Variants in UHRF1 observed in about 807,000 individuals in gnomAD.
UHRF1 encodes the protein ubiquitin like with PHD and ring finger domains 1.
Under a neutral mutation model 96.5 loss-of-function variants are expected in UHRF1, and 9 were observed. The observed-to-expected ratio is 0.09, with a 90% CI of 0.06 to 0.16. The LOEUF (loss-of-function observed/expected upper bound fraction) is 0.16. Among genes scored for constraint, UHRF1 ranks in the 10% least tolerant of loss-of-function variants. The probability of loss-of-function intolerance (pLI) is 1.00; values close to 1 mark genes in which losing one functional copy is unlikely to be tolerated. For synonymous variants in UHRF1, 455 were observed against 469.9 expected (o/e 0.97, Z 0.41); for missense variants, 626 against 1,131.1 (o/e 0.55, Z 6.40).
intron 7 of UHRF1, among the ~76,000 whole-genome samples, chr19:4,943,431 C>T (rs985900821): frequency 4.6e-5 from 7 of 151,508 alleles, no homozygotes; most frequent in Admixed American, 1.3e-4. Flanking sequence ...ATGTGCTAGG[C>T]TCGGGTCTGA....
At position 4,932,425 on chromosome 19, in the gene UHRF1, G is replaced by A. The variant is rs527978207; in HGVS notation, c.570-316G>A. On this transcript the variant is annotated intron_variant, in intron 4 of 16. Coordinates refer to ENST00000650932, the MANE Select transcript of UHRF1 (RefSeq NM_001048201.3). ...GGATTGGGGCCCACCCTACTGCAGTGTGATCTCATCTTAATATGATTTCAT... is the reference window on the plus strand; with the variant it reads ...GGATTGGGGCCCACCCTACTGCAGTATGATCTCATCTTAATATGATTTCAT... Among the ~76,000 whole-genome samples, 3 of 152,334 alleles carry A rather than the reference G, an allele frequency of 2.0e-5. No individual in the cohort carries two copies. In the South Asian group the frequency reaches 6.2e-4, roughly 32 times the overall value.
intron 2 of UHRF1, among the ~76,000 whole-genome samples, chr19:4,912,855 G>A (rs896231412): frequency 2.0e-5 from 3 of 152,084 alleles, no homozygotes; most frequent in Non-Finnish European, 4.4e-5. Flanking sequence ...AGCTTCCTGG[G>A]CTCAAGCAAT....
At chr19:4,945,268 A>AT (rs915328446) in intron 9 of UHRF1, among the ~76,000 whole-genome samples, 8 of 151,688 alleles carry the variant, frequency 5.3e-5, no homozygotes, top group South Asian at 2.1e-4. Context: ...CCCCACTTTT[A>AT]TTTTTTTTGA....
At chr19:4,942,924 G>C (rs1341591364) in intron 7 of UHRF1, among the ~76,000 whole-genome samples, 1 of 151,982 alleles carries the variant, frequency 6.6e-6, no homozygotes, top group East Asian at 1.9e-4. Context: ...GGTGATGGAA[G>C]TGAGACCCTA....
intron 2 of UHRF1, among the ~76,000 whole-genome samples, chr19:4,920,675 T>C (rs530162015): frequency 6.6e-6 from 1 of 152,274 alleles, no homozygotes; most frequent in Admixed American, 6.5e-5. Context: ...AGCCTCAGTC[T>C]GCCAAGCAGC....
At chr19:4,909,843 G>C (rs2032181962) in intron 1 of UHRF1, 188 bp downstream of exon 1, 1 of 396,910 alleles carries the variant, frequency 2.5e-6, no homozygotes, top group African/African-American at 2.1e-5. Flanking sequence ...CTGGAGCCGG[G>C]ACCAGCGCTG....
intron 5 of UHRF1, among the ~76,000 whole-genome samples, chr19:4,941,060 AAT>A (rs2033378458): frequency 6.8e-6 from 1 of 148,000 alleles, no homozygotes; most frequent in Non-Finnish European, 1.5e-5. Context: ...GGCATCCTGC[AAT>A]GAAACTCTGG....
chr19:4,929,337 T>C lies in UHRF1; in HGVS notation c.269T>C (p.Leu90Pro). Residue 90 changes from leucine to proline, a missense_variant, in exon 3 of 17, where the codon CTC (leucine) becomes CCC (proline). Around this residue, in one of 11 missense-constraint regions of UHRF1, gnomAD observed 53 missense variants for 95.9 expected, o/e 0.55. Transcript: ENST00000650932. ...PHSTKERDSE[L>P]SDTDSGCCLG... is the part of the protein sequence containing the mutation. ...AGCACCAAGGAGCGGGACTCCGAGC[T>C]CTCCGACACCGACTCCGGCTGCTGC... 1 of 1,613,486 alleles carries C rather than the reference T, an allele frequency of 6.2e-7. No individual in the cohort carries two copies.
intron 5 of UHRF1, among the ~76,000 whole-genome samples, chr19:4,937,790 C>G (rs991857488): frequency 5.3e-5 from 8 of 152,112 alleles, no homozygotes; most frequent in African/African-American, 1.9e-4. Flanking sequence ...ATTCCTTTTT[C>G]TGTTTTCTGG....
At chr19:4,959,203 G>A (rs772151069) in intron 16 of UHRF1, among the ~76,000 whole-genome samples, 3 of 151,558 alleles carry the variant, frequency 2.0e-5, no homozygotes, top group Non-Finnish European at 4.4e-5. Flanking sequence ...GCTGGTGGGC[G>A]CCTGTAATCC....
intron 4 of UHRF1, among the ~76,000 whole-genome samples, chr19:4,932,071 G>T (rs1252188844): frequency 1.3e-5 from 2 of 152,196 alleles, no homozygotes; most frequent in Non-Finnish European, 2.9e-5. Context: ...TGGGATTACA[G>T]GCATGCGCCA....
intron 5 of UHRF1, among the ~76,000 whole-genome samples, chr19:4,940,469 C>A (rs923977023): frequency 7.1e-6 from 1 of 141,738 alleles, no homozygotes; most frequent in Non-Finnish European, 1.5e-5. Flanking sequence ...CAGGTTCAAG[C>A]GATTCTCCTG....
chr19:4,952,148 A>T (rs1399213913), intron 13 of UHRF1, among the ~76,000 whole-genome samples: 1 of 152,132 alleles, frequency 6.6e-6, no homozygotes, highest in African/African-American at 2.4e-5. Context: ...GCTGGAGTGC[A>T]GTGGTGGGAT....
Position 4,957,309 on chromosome 19 carries a change from T to G in UHRF1, c.2235+496T>G, listed in dbSNP as rs1404036854. On this transcript the variant is annotated intron_variant, in intron 16 of 16. Coordinates refer to ENST00000650932, the MANE Select transcript of UHRF1 (RefSeq NM_001048201.3). The stretch of plus-strand genomic sequence containing the variant: ...ATCCCAGCTGATGGTTTTTTTTTTT[T>G]TTTTTTTTTTTTTTTCTGAGACAGA... Among the ~76,000 whole-genome samples the G allele has an allele frequency of 1.2e-3, 170 of 137,964 alleles. 1 individual carries two copies. Among genetic ancestry groups the G allele is most frequent in the African/African-American group, 4.3e-3 (158 of 36,614 alleles). 90.5% of individuals were successfully genotyped at this position (137,964 alleles called of 152,430 possible).
rs564974711 is a variant in UHRF1 at position 4,926,022 on chromosome 19, C to T, written c.154-3200C>T. On this transcript the variant is annotated intron_variant, in intron 2 of 16. Coordinates refer to ENST00000650932, the MANE Select transcript of UHRF1 (RefSeq NM_001048201.3). The stretch of plus-strand genomic sequence containing the variant: ...AAGCAATTGTCCTTCCTCAGCCTCC[C>T]GAGTAGCTGGGATTACAGGCACCTG... 4.6e-5 allele frequency among the ~76,000 whole-genome samples: 7 copies of T among 152,126 alleles called. No individual in the cohort carries two copies. In the East Asian group the frequency reaches 7.8e-4, roughly 17 times the overall value.
intron 2 of UHRF1, among the ~76,000 whole-genome samples, chr19:4,923,407 G>A (rs905913477): frequency 2.0e-5 from 3 of 152,136 alleles, no homozygotes; most frequent in East Asian, 1.9e-4. Context: ...CCTGTCCTCC[G>A]TCTTGGGTGG....
chr19:4,940,764 C>T (rs997999380), intron 5 of UHRF1, among the ~76,000 whole-genome samples: 1 of 151,722 alleles, frequency 6.6e-6, no homozygotes, highest in Admixed American at 6.6e-5. Context: ...CGTCTGCCTC[C>T]TGGGTTCAAG....
chr19:4,936,955 A>G (rs755424390), intron 5 of UHRF1, among the ~76,000 whole-genome samples: 12 of 152,160 alleles, frequency 7.9e-5, no homozygotes, highest in Admixed American at 1.3e-4. Flanking sequence ...TTTCCTCCTC[A>G]CAAAATCCTT....
chr19:4,921,210 C>A (rs755027200), intron 2 of UHRF1, among the ~76,000 whole-genome samples: 1 of 152,052 alleles, frequency 6.6e-6, no homozygotes, highest in African/African-American at 2.4e-5. Flanking sequence ...GAGGCCAAGG[C>A]GGGTGGATCA....
Sources: allele counts gnomAD v4.1 joint callset (sites outside exome capture counted in the v4.1 genomes callset), GRCh38; gene constraint gnomAD v4.1.1; regional missense constraint gnomAD v4.1.1; transcripts MANE v1.5; gene names NCBI Gene and HGNC (gene_info 2026-07-23, HGNC 2026-07-21).